Variants in AP4E1 observed in about 807,000 individuals in gnomAD.
AP4E1 encodes adaptor related protein complex 4 subunit epsilon 1.
In AP4E1, 56 loss-of-function variants were observed where a neutral mutation model predicts 128.2. The ratio of observed to expected loss-of-function variants is 0.44; its 90% CI spans 0.35 to 0.55. AP4E1 has a LOEUF of 0.55. Among genes scored for constraint, AP4E1 ranks in the 20% least tolerant of loss-of-function variants. The pLI, the probability that AP4E1 is intolerant of heterozygous loss-of-function variation, is 0.00. For missense variants in AP4E1, 1,324 were observed against 1,307.7 expected (o/e 1.01, Z -0.19); for synonymous variants, 484 against 473.1 (o/e 1.02, Z -0.30).
chr15:50,987,025 GT>G (rs1180766981), intron 16 of AP4E1, among the ~76,000 whole-genome samples: 1 of 152,148 alleles, frequency 6.6e-6, no homozygotes, highest in Non-Finnish European at 1.5e-5. Flanking sequence ...CTTCTTCCTG[GT>G]TTAGCCTTGG....
At chr15:50,967,835 C>G (rs1001694894) in intron 14 of AP4E1, among the ~76,000 whole-genome samples, 2 of 152,176 alleles carry the variant, frequency 1.3e-5, no homozygotes, top group Non-Finnish European at 2.9e-5. Flanking sequence ...TTTTTTGAGA[C>G]AGAATCTTGT....
rs544887979 is a variant in AP4E1, at chr15:50,966,659, T to C, written c.1852-1604T>C. 5.3e-5 allele frequency among the ~76,000 whole-genome samples: 8 copies of C among 149,742 alleles called. No homozygotes were observed. In the South Asian group the frequency reaches 1.8e-3, roughly 33 times the overall value. ...TTCAAGTGATTCTCCTGTCTCAGCC[T>C]CCCGAGTAGCTGGGATTACAGGCAC... On this transcript the variant is annotated intron_variant, in intron 14 of 20. Transcript: ENST00000261842.
intron 16 of AP4E1, among the ~76,000 whole-genome samples, chr15:50,989,121 T>C (rs1241526591): frequency 6.6e-6 from 1 of 152,200 alleles, no homozygotes; most frequent in Non-Finnish European, 1.5e-5. Context: ...TACCAGATAA[T>C]ATTTGTGATC....
chr15:50,936,456 C>G (rs1010272857), intron 8 of AP4E1, among the ~76,000 whole-genome samples: 6 of 151,030 alleles, frequency 4.0e-5, no homozygotes, highest in African/African-American at 1.5e-4. Context: ...GTAATATATG[C>G]ACATGGGTCA....
chr15:50,941,046 T>C lies in AP4E1; in HGVS notation c.944-396T>C, dbSNP rs945951714. Among the ~76,000 whole-genome samples, 7 of 152,294 alleles carry C rather than the reference T, an allele frequency of 4.6e-5. No individual in the cohort carries two copies. In the South Asian group the frequency reaches 8.3e-4, roughly 18 times the overall value. On this transcript the variant is annotated intron_variant, in intron 8 of 20. Coordinates refer to ENST00000261842, the MANE Select transcript of AP4E1 (RefSeq NM_007347.5). Reference sequence around the variant, plus strand: ...CATTAAAGGAACGTGGGAAATATCTTTTTATATAGGAATAATGAATCTGTT... The same window carrying C: ...CATTAAAGGAACGTGGGAAATATCTCTTTATATAGGAATAATGAATCTGTT...
Position 50,925,216 on chromosome 15 carries a change from C to A in AP4E1, c.539C>A (p.Ser180Tyr). 6.2e-7 allele frequency: 1 copy of A among 1,612,838 alleles called. No individual in the cohort carries two copies. Among genetic ancestry groups the A allele is most frequent in the South Asian group, 1.1e-5 (1 of 91,018 alleles). The change falls in exon 5 of 21, where the codon TCT (serine) becomes TAT (tyrosine). Residue 180 changes from serine to tyrosine, a missense_variant. Ser to Tyr is a moderately radical substitution (Grantham distance 144). Coordinates refer to ENST00000261842, the MANE Select transcript of AP4E1 (RefSeq NM_007347.5). ...LPLIEDKLQH[S>Y]KEIVRRKAVL... ...TTAATAGAAGATAAACTTCAACATT[C>A]TAAGTAAGTAAATTCTTTTGGGATA...
At chr15:50,927,861 C>T (rs1425816908) in intron 5 of AP4E1, among the ~76,000 whole-genome samples, 1 of 152,118 alleles carries the variant, frequency 6.6e-6, no homozygotes. Context: ...TTAAGGAACC[C>T]TAAAAGTAAA....
chr15:50,983,870 G>A (rs1347964825), intron 15 of AP4E1, 152 bp from the exon 16 acceptor site: 11 of 668,264 alleles, frequency 1.6e-5, no homozygotes, highest in Non-Finnish European at 2.8e-5. Flanking sequence ...ATTTATTACT[G>A]TAAGTATTTG....
chr15:50,963,913 A>G (rs1869147889), intron 14 of AP4E1, among the ~76,000 whole-genome samples: 1 of 152,222 alleles, frequency 6.6e-6, no homozygotes, highest in Non-Finnish European at 1.5e-5. Context: ...AAATATCTTC[A>G]CTGCAGTTTT....
At chr15:50,933,399 T>A (rs1165646493) in intron 7 of AP4E1, among the ~76,000 whole-genome samples, 1 of 152,224 alleles carries the variant, frequency 6.6e-6, no homozygotes, top group African/African-American at 2.4e-5. Flanking sequence ...TGGTCTTTTA[T>A]ATCTATTTGA....
intron 5 of AP4E1, 48 bp downstream of exon 5, chr15:50,925,267 CAG>C (rs1567214085): frequency 6.3e-7 from 1 of 1,586,050 alleles, no homozygotes; most frequent in African/African-American, 1.3e-5. Context: ...TATTTCAAAA[CAG>C]AAGTTTATGC....
At chr15:50,930,764 T>C (rs1256866457) in intron 6 of AP4E1, 41 bp from the exon 7 acceptor site, 1 of 1,595,006 alleles carries the variant, frequency 6.3e-7, no homozygotes. Context: ...TTCTATTTAA[T>C]AAGACGTTAT....
chr15:50,917,795 CAG>C lies in AP4E1; in HGVS notation c.346+2226_346+2227del, dbSNP rs10559189. On this transcript the variant is annotated intron_variant, in intron 3 of 20. Transcript: ENST00000261842. The stretch of plus-strand genomic sequence containing the variant: ...AATGACGGGAAAGGACCGAAACAAA[CAG>C]AAATTAATAGTTACAGTACAGGCCG... Among the ~76,000 whole-genome samples, 1,015 of 152,182 alleles carry C rather than the reference CAG, an allele frequency of 6.7e-3. 8 individuals are homozygous for C. The highest frequency in any genetic ancestry group is 0.023 in the African/African-American group (946 of 41,520).
chr15:50,947,889 G>C, intron 10 of AP4E1, 131 bp from the exon 11 acceptor site: 1 of 730,758 alleles, frequency 1.4e-6, no homozygotes, highest in Non-Finnish European at 2.2e-6. Context: ...TTTCTTACCT[G>C]TTAACTGACT....
intron 6 of AP4E1, among the ~76,000 whole-genome samples, chr15:50,929,994 C>A (rs1056632526): frequency 6.6e-6 from 1 of 151,482 alleles, no homozygotes; most frequent in East Asian, 1.9e-4. Context: ...AATCAAGGCA[C>A]ACTCCTTCAG....
Position 50,993,554 on chromosome 15 carries a change from G to C in AP4E1, c.2275G>C (p.Glu759Gln). Residue 759 changes from glutamate to glutamine, a missense_variant, in exon 17 of 21, where the codon GAG (glutamate) becomes CAG (glutamine). Transcript: ENST00000261842. The part of the protein sequence containing the change: ...DQSQVLTQSK[E>Q]EKEKQLLASS... Reference sequence around the variant, plus strand: ...ATCTCAAGTTCTTACCCAATCTAAAGAGGAGAAAGAAAAGCAGCTGCTGGC... The same window carrying C: ...ATCTCAAGTTCTTACCCAATCTAAACAGGAGAAAGAAAAGCAGCTGCTGGC... The C allele has an allele frequency of 6.2e-7, 1 of 1,613,954 alleles. No homozygotes were observed. The highest frequency in any genetic ancestry group is 8.5e-7 in the Non-Finnish European group (1 of 1,179,912).
At chr15:50,938,038 C>T (rs867710817) in intron 8 of AP4E1, among the ~76,000 whole-genome samples, 5 of 151,956 alleles carry the variant, frequency 3.3e-5, no homozygotes, top group East Asian at 1.9e-4. Context: ...AGTACTTTTC[C>T]GTTTTTTTTC....
chr15:50,928,165 C>T (rs2063790488), intron 5 of AP4E1, among the ~76,000 whole-genome samples: 1 of 152,040 alleles, frequency 6.6e-6, no homozygotes, highest in African/African-American at 2.4e-5. Context: ...CATGTGTGTC[C>T]TTGTATTCCT....
intron 1 of AP4E1, 62 bp downstream of exon 1, chr15:50,908,990 C>T (rs2063531810): frequency 1.3e-6 from 2 of 1,597,826 alleles, no homozygotes; most frequent in Non-Finnish European, 1.7e-6. Context: ...GCCAGGAGGC[C>T]CTGGCCGGGC....
Sources: gnomAD v4.1 joint callset for allele counts (sites outside exome capture counted in the v4.1 genomes callset) on GRCh38, gnomAD v4.1.1 for gene constraint, MANE v1.5 for transcripts, NCBI Gene and HGNC (gene_info 2026-07-23, HGNC 2026-07-21) for gene names.